The following PLBD1 variants were observed in gnomAD, a reference collection of about 807,000 sequenced individuals.
PLBD1 encodes the protein lysosomal leucine aminopeptidase.
In PLBD1, 60 loss-of-function variants were observed where a neutral mutation model predicts 63.0. That is an observed-to-expected ratio of 0.95 (90% CI 0.77 to 1.18). The LOEUF is 1.18. PLBD1 is among the 50% of genes most tolerant of loss of function. The pLI is 0.00. For synonymous variants in PLBD1, 262 were observed against 248.0 expected (o/e 1.06, Z -0.53); for missense variants, 598 against 677.9 (o/e 0.88, Z 1.31).
At chr12:14,512,151 AC>A (rs1468560378) in intron 6 of PLBD1, among the ~76,000 whole-genome samples, 8 of 104,364 alleles carry the variant, frequency 7.7e-5, no homozygotes, top group Admixed American at 3.7e-4. Context: ...GTATAAGTCT[AC>A]TTTTTTTTTT....
chr12:14,564,856 C>A (rs190287581), intron 1 of PLBD1, among the ~76,000 whole-genome samples: 40 of 152,278 alleles, frequency 2.6e-4, no homozygotes, highest in African/African-American at 9.6e-4. Flanking sequence ...GAAACTGACT[C>A]CAATCATAGG....
intron 6 of PLBD1, among the ~76,000 whole-genome samples, chr12:14,534,291 C>T (rs1945492247): frequency 6.6e-6 from 1 of 152,176 alleles, no homozygotes; most frequent in South Asian, 2.1e-4. Context: ...TCCAGTTGAA[C>T]CCTTAGATGT....
At chr12:14,520,134 G>A (rs757743884) in intron 6 of PLBD1, among the ~76,000 whole-genome samples, 2 of 152,210 alleles carry the variant, frequency 1.3e-5, no homozygotes, top group Non-Finnish European at 2.9e-5. Context: ...ACTGAGATAG[G>A]TGAGTTTGCT....
At chr12:14,543,359 A>ATC (rs1945590412) in intron 2 of PLBD1, among the ~76,000 whole-genome samples, 2 of 152,138 alleles carry the variant, frequency 1.3e-5, no homozygotes, top group Non-Finnish European at 2.9e-5. Flanking sequence ...ACCCATTGAC[A>ATC]TCCTCCATCA....
At chr12:14,553,696 C>A (rs925734038) in intron 1 of PLBD1, 62 of 479,896 alleles carry the variant, frequency 1.3e-4, no homozygotes, top group Non-Finnish European at 2.2e-4. Flanking sequence ...GGGTGGGAAT[C>A]TGGGCAGGGC....
chr12:14,557,123 C>T (rs1423585047), intron 1 of PLBD1, among the ~76,000 whole-genome samples: 5 of 151,510 alleles, frequency 3.3e-5, no homozygotes, highest in African/African-American at 9.7e-5. Flanking sequence ...CAATGAAATA[C>T]CACTCCACAT....
intron 1 of PLBD1, among the ~76,000 whole-genome samples, chr12:14,565,588 T>A (rs1945774676): frequency 6.6e-6 from 1 of 152,268 alleles, no homozygotes; most frequent in Non-Finnish European, 1.5e-5. Flanking sequence ...CTTTAGTGTT[T>A]ACTGAATTCC....
At chr12:14,540,273 A>T (rs569958750) in intron 4 of PLBD1, among the ~76,000 whole-genome samples, 1 of 151,568 alleles carries the variant, frequency 6.6e-6, no homozygotes, top group South Asian at 2.1e-4. Flanking sequence ...CGGGAAATAA[A>T]ATATCCATAA....
chr12:14,507,064 C>T lies in PLBD1; in HGVS notation c.1241G>A (p.Gly414Asp), dbSNP rs773612286. 3.1e-6 allele frequency: 5 copies of T among 1,613,454 alleles called. No homozygotes were observed. The highest frequency in any genetic ancestry group is 3.3e-5 in the Admixed American group (2 of 59,950). ...CAGCTTCTGAACTAACAGTGGATAG[C>T]CACTCCAGTTGTAGATTTTTTCATG... ...PFHEKIYNWSGYPLLVQKLGL... is the reference protein window; with the variant it reads ...PFHEKIYNWSDYPLLVQKLGL... The change falls in exon 9 of 11, where the codon GGC (glycine) becomes GAC (aspartate). Residue 414 changes from glycine (G) to aspartate (D), a missense_variant. Transcript: ENST00000240617.
chr12:14,555,198 AT>A (rs1238370506), intron 1 of PLBD1, among the ~76,000 whole-genome samples: 5 of 152,220 alleles, frequency 3.3e-5, no homozygotes, highest in African/African-American at 1.2e-4. Context: ...ATGTGAACTG[AT>A]TTTGTTAGCT....
chr12:14,524,428 A>T (rs879322966), intron 6 of PLBD1, among the ~76,000 whole-genome samples: 16 of 152,196 alleles, frequency 1.1e-4, no homozygotes, highest in Non-Finnish European at 2.1e-4. Context: ...AAATATGTAC[A>T]ATTATATGTC....
intron 2 of PLBD1, 44 bp from the exon 3 acceptor site, chr12:14,542,335 T>G: frequency 6.2e-6 from 9 of 1,442,874 alleles, no homozygotes; most frequent in Non-Finnish European, 7.8e-6. Flanking sequence ...TTTTTCTTCT[T>G]GGATTTCTCC....
chr12:14,555,854 T>A (rs1945699180), intron 1 of PLBD1, among the ~76,000 whole-genome samples: 1 of 152,202 alleles, frequency 6.6e-6, no homozygotes, highest in Non-Finnish European at 1.5e-5. Flanking sequence ...AAGCACACCA[T>A]CTTTATGCCT....
At chr12:14,529,001 A>G (rs1233182555) in intron 6 of PLBD1, among the ~76,000 whole-genome samples, 1 of 152,106 alleles carries the variant, frequency 6.6e-6, no homozygotes, top group Admixed American at 6.6e-5. Flanking sequence ...AAACCTTCAT[A>G]TCTAGCTTCA....
Position 14,561,228 on chromosome 12 carries a change from T to C in PLBD1, c.115+6354A>G, listed in dbSNP as rs557332333. ...TAGCTTCAAAACAACAATCCACAAA[T>C]GCAGAAAAATGCCGGAGATTTGCTT... On this transcript the variant is annotated intron_variant, in intron 1 of 10. Coordinates refer to ENST00000240617, the MANE Select transcript of PLBD1 (RefSeq NM_024829.6). Among the ~76,000 whole-genome samples, 362 of 151,378 alleles carry C rather than the reference T, an allele frequency of 2.4e-3. 1 individual carries two copies. Among genetic ancestry groups the C allele is most frequent in the Non-Finnish European group, 4.1e-3 (279 of 67,894 alleles).
At chr12:14,550,562 T>C (rs1181235722) in intron 2 of PLBD1, among the ~76,000 whole-genome samples, 1 of 152,052 alleles carries the variant, frequency 6.6e-6, no homozygotes, top group East Asian at 1.9e-4. Context: ...CTGGGAAACA[T>C]AGTGAGACCT....
At chr12:14,520,216 A>AG (rs1352018353) in intron 6 of PLBD1, among the ~76,000 whole-genome samples, 1 of 152,224 alleles carries the variant, frequency 6.6e-6, no homozygotes, top group Non-Finnish European at 1.5e-5. Flanking sequence ...GACAAAGGTA[A>AG]GAGCTGGAAA....
chr12:14,527,422 G>A (rs770595121), intron 6 of PLBD1, among the ~76,000 whole-genome samples: 3 of 151,954 alleles, frequency 2.0e-5, no homozygotes, highest in Non-Finnish European at 4.4e-5. Flanking sequence ...CTCCCAAAAC[G>A]TTTGTTACCA....
intron 1 of PLBD1, among the ~76,000 whole-genome samples, chr12:14,557,159 T>A (rs1380150037): frequency 6.6e-6 from 1 of 152,004 alleles, no homozygotes; most frequent in Non-Finnish European, 1.5e-5. Context: ...TTATTTAAAA[T>A]GTCAAAAAAA....
Sources: gnomAD v4.1 joint callset for allele counts (sites outside exome capture counted in the v4.1 genomes callset) on GRCh38, gnomAD v4.1.1 for gene constraint, MANE v1.5 for transcripts, NCBI Gene and HGNC (gene_info 2026-07-23, HGNC 2026-07-21) for gene names.